Variants in PATJ observed in about 807,000 individuals in gnomAD.
PATJ encodes the protein PATJ crumbs cell polarity complex component, also known as inaD-like protein.
A neutral mutation model predicts 224.9 loss-of-function variants in PATJ; 190 were observed. The observed-to-expected ratio is 0.84, with a 90% CI of 0.75 to 0.95. The LOEUF is 0.95. PATJ is among the 40% of genes least tolerant of loss of function. PATJ has a pLI of 0.00. For missense variants in PATJ, 2,121 were observed against 2,270.3 expected (o/e 0.93, Z 1.34); for synonymous variants, 769 against 820.3 (o/e 0.94, Z 1.07).
chr1:61,760,793 A>G (rs956241373), intron 1 of PATJ, among the ~76,000 whole-genome samples: 3 of 151,446 alleles, frequency 2.0e-5, no homozygotes, highest in African/African-American at 7.3e-5. Flanking sequence ...TTGTATTTTT[A>G]TTAGAGACGG....
At chr1:61,922,133 C>A (rs964827875) in intron 26 of PATJ, among the ~76,000 whole-genome samples, 48 of 152,078 alleles carry the variant, frequency 3.2e-4, no homozygotes, top group Non-Finnish European at 1.3e-4. Flanking sequence ...ACCTCCACCC[C>A]TCAGGTTCAA....
chr1:62,127,258 C>T (rs113842954), intron 39 of PATJ, among the ~76,000 whole-genome samples: 2 of 152,288 alleles, frequency 1.3e-5, no homozygotes, highest in African/African-American at 4.8e-5. Flanking sequence ...CAGGCATCTG[C>T]TGGACAGATG....
intron 18 of PATJ, among the ~76,000 whole-genome samples, chr1:61,857,689 A>G (rs1663915926): frequency 6.6e-6 from 1 of 152,236 alleles, no homozygotes; most frequent in Admixed American, 6.5e-5. Context: ...GTTAAAATGC[A>G]GTTTCCCAGG....
At chr1:62,154,152 A>ACCCAG (rs1668918832) in intron 43 of PATJ, among the ~76,000 whole-genome samples, 1 of 152,052 alleles carries the variant, frequency 6.6e-6, no homozygotes, top group East Asian at 1.9e-4. Flanking sequence ...TGCCTCGGCC[A>ACCCAG]TCTAAAGTGC....
At chr1:61,756,007 G>T (rs1645618863) in intron 1 of PATJ, among the ~76,000 whole-genome samples, 1 of 152,056 alleles carries the variant, frequency 6.6e-6, no homozygotes, top group African/African-American at 2.4e-5. Flanking sequence ...TCTCCATGTT[G>T]GTCTCGAACT....
intron 27 of PATJ, among the ~76,000 whole-genome samples, chr1:61,935,790 G>GAA (rs57862972): frequency 2.1e-5 from 3 of 143,698 alleles, no homozygotes; most frequent in Middle Eastern, 7.2e-3. Context: ...GACCCTGTCT[G>GAA]AAAAAAAAAA....
At chr1:61,985,172 C>T (rs1041042773) in intron 27 of PATJ, among the ~76,000 whole-genome samples, 25 of 152,132 alleles carry the variant, frequency 1.6e-4, no homozygotes, top group African/African-American at 5.1e-4. Context: ...GTTAGCTGGG[C>T]GCGGTGGCGC....
intron 31 of PATJ, among the ~76,000 whole-genome samples, chr1:62,058,444 G>A (rs1654893215): frequency 2.6e-5 from 4 of 152,168 alleles, no homozygotes; most frequent in Admixed American, 1.3e-4. Context: ...AAATGGACTG[G>A]GAACACTTGC....
At chr1:62,098,132 G>A (rs764734712) in intron 33 of PATJ, among the ~76,000 whole-genome samples, 2 of 151,946 alleles carry the variant, frequency 1.3e-5, no homozygotes, top group Admixed American at 1.3e-4. Flanking sequence ...GGCCGAGGCA[G>A]GTGGATCACG....
At chr1:61,936,746 A>G (rs1343206189) in intron 27 of PATJ, among the ~76,000 whole-genome samples, 1 of 151,842 alleles carries the variant, frequency 6.6e-6, no homozygotes, top group Non-Finnish European at 1.5e-5. Flanking sequence ...TAATTTTTGT[A>G]TTTTTAGTAG....
rs139804399 is a variant in PATJ, at chr1:61,769,643, A to G, written c.524+221A>G. Among the ~76,000 whole-genome samples the G allele has an allele frequency of 2.0e-5, 3 of 152,280 alleles. No individual in the cohort carries two copies. In the East Asian group the frequency reaches 5.8e-4, roughly 29 times the overall value. The stretch of plus-strand genomic sequence containing the variant: ...CATCATTCCATTCTGTAGATGAGAA[A>G]GCTGAGATTCAGAGAGGTTCAGTGG... On this transcript the variant is annotated intron_variant, in intron 5 of 43. Coordinates refer to ENST00000642238, the MANE Select transcript of PATJ (RefSeq NM_001350145.3).
intron 24 of PATJ, among the ~76,000 whole-genome samples, chr1:61,903,149 G>A (rs769640337): frequency 6.6e-6 from 1 of 152,174 alleles, no homozygotes; most frequent in Non-Finnish European, 1.5e-5. Flanking sequence ...GGTAAGTATT[G>A]TTTCAAAGGA....
intron 32 of PATJ, among the ~76,000 whole-genome samples, chr1:62,081,711 G>A (rs1050166854): frequency 6.6e-6 from 1 of 152,136 alleles, no homozygotes; most frequent in Non-Finnish European, 1.5e-5. Context: ...GGGATTACAG[G>A]CATGTGCCAC....
chr1:61,813,368 T>G (rs930049179), intron 14 of PATJ, among the ~76,000 whole-genome samples: 2 of 46,146 alleles, frequency 4.3e-5, no homozygotes, highest in Non-Finnish European at 8.9e-5. Flanking sequence ...TATATATATA[T>G]ATATATATAT....
chr1:62,062,906 T>A (rs1250164198), intron 31 of PATJ, among the ~76,000 whole-genome samples: 1 of 152,212 alleles, frequency 6.6e-6, no homozygotes, highest in Non-Finnish European at 1.5e-5. Flanking sequence ...TTCTGGATAT[T>A]AGACCTTTGT....
chr1:61,802,631 A>T (rs1313706813), intron 12 of PATJ, among the ~76,000 whole-genome samples: 1 of 152,152 alleles, frequency 6.6e-6, no homozygotes, highest in Non-Finnish European at 1.5e-5. Context: ...ATACACATAT[A>T]GCATATGTTT....
intron 27 of PATJ, among the ~76,000 whole-genome samples, chr1:61,942,550 T>TTTC (rs1370514788): frequency 4.0e-5 from 6 of 151,588 alleles, no homozygotes; most frequent in Non-Finnish European, 8.8e-5. Context: ...AGTTTGGCAG[T>TTTC]TTCTTTTTTT....
intron 22 of PATJ, among the ~76,000 whole-genome samples, chr1:61,896,693 T>G (rs983434897): frequency 5.3e-5 from 8 of 152,148 alleles, no homozygotes; most frequent in Non-Finnish European, 1.2e-4. Flanking sequence ...TTCCCATGTG[T>G]CAGGTGAGGG....
intron 7 of PATJ, among the ~76,000 whole-genome samples, chr1:61,782,876 TC>T (rs1322585554): frequency 5.3e-5 from 8 of 152,204 alleles, no homozygotes; most frequent in African/African-American, 1.4e-4. Flanking sequence ...GAAACCTCTT[TC>T]ATGTGGTCTG....
Sources: allele counts gnomAD v4.1 joint callset (sites outside exome capture counted in the v4.1 genomes callset), GRCh38; gene constraint gnomAD v4.1.1; transcripts MANE v1.5; gene names NCBI Gene and HGNC (gene_info 2026-07-23, HGNC 2026-07-21).